Variants in ATXN1 observed in about 807,000 individuals in gnomAD.
ATXN1 encodes the protein ataxin 1.
In ATXN1, 8 loss-of-function variants were observed where a neutral mutation model predicts 56.4. That is an observed-to-expected ratio of 0.14 (90% CI 0.08 to 0.26). The LOEUF is 0.26. Among genes scored for constraint, ATXN1 ranks in the 10% least tolerant of loss-of-function variants. The probability of loss-of-function intolerance (pLI) is 1.00; values close to 1 mark genes in which losing one functional copy is unlikely to be tolerated. For synonymous variants in ATXN1, 514 were observed against 494.6 expected (o/e 1.04, Z -0.52); for missense variants, 987 against 1,106.5 (o/e 0.89, Z 1.53).
chr6:16,516,325 G>A (rs1374510399), intron 5 of ATXN1, among the ~76,000 whole-genome samples: 4 of 152,114 alleles, frequency 2.6e-5, no homozygotes, highest in Non-Finnish European at 5.9e-5. Context: ...ACACGTTATC[G>A]AGCACCTACT....
At chr6:16,545,507 C>G (rs1316204469) in intron 4 of ATXN1, among the ~76,000 whole-genome samples, 2 of 152,074 alleles carry the variant, frequency 1.3e-5, no homozygotes, top group African/African-American at 4.8e-5. Flanking sequence ...CAAATGCCAT[C>G]TAGACCATAA....
chr6:16,659,934 T>C (rs1388771594), intron 2 of ATXN1, among the ~76,000 whole-genome samples: 1 of 152,036 alleles, frequency 6.6e-6, no homozygotes, highest in Non-Finnish European at 1.5e-5. Flanking sequence ...TTTATACTAT[T>C]CATACAGAAA....
chr6:16,513,333 G>A (rs1368757961), intron 5 of ATXN1, among the ~76,000 whole-genome samples: 1 of 152,158 alleles, frequency 6.6e-6, no homozygotes, highest in Non-Finnish European at 1.5e-5. Flanking sequence ...TCTACACAAA[G>A]TACATCAAAA....
At chr6:16,653,911 A>G (rs183077315) in intron 3 of ATXN1, among the ~76,000 whole-genome samples, 1 of 152,292 alleles carries the variant, frequency 6.6e-6, no homozygotes, top group East Asian at 1.9e-4. Context: ...GAGAGGAGGC[A>G]AAGAGGAGGA....
At chr6:16,319,220 A>G (rs949247955) in intron 7 of ATXN1, among the ~76,000 whole-genome samples, 1 of 152,000 alleles carries the variant, frequency 6.6e-6, no homozygotes, top group Admixed American at 6.6e-5. Context: ...CCTATCTCAA[A>G]AAAAAAAAAT....
At chr6:16,729,782 T>C (rs1478794658) in intron 2 of ATXN1, among the ~76,000 whole-genome samples, 1 of 152,218 alleles carries the variant, frequency 6.6e-6, no homozygotes, top group Non-Finnish European at 1.5e-5. Context: ...ATTTTTGTTC[T>C]ATGGATTCTG....
At chr6:16,456,144 G>A (rs1759866814) in intron 6 of ATXN1, among the ~76,000 whole-genome samples, 1 of 152,092 alleles carries the variant, frequency 6.6e-6, no homozygotes, top group South Asian at 2.1e-4. Flanking sequence ...CACTCTTTGG[G>A]TCTGTGCCAT....
At chr6:16,480,154 C>CAAA (rs60209783) in intron 6 of ATXN1, among the ~76,000 whole-genome samples, 856 of 77,366 alleles carry the variant, frequency 0.011, 36 homozygotes, top group African/African-American at 0.026. Context: ...ACTTCATCTG[C>CAAA]AAAAAAAAAA....
chr6:16,370,942 T>C (rs1194681981), intron 6 of ATXN1, among the ~76,000 whole-genome samples: 3 of 152,190 alleles, frequency 2.0e-5, no homozygotes, highest in Non-Finnish European at 4.4e-5. Flanking sequence ...CAAATATTAA[T>C]TGAGTCTTAA....
At chr6:16,591,918 G>T (rs1762729990) in intron 3 of ATXN1, among the ~76,000 whole-genome samples, 1 of 152,144 alleles carries the variant, frequency 6.6e-6, no homozygotes, top group African/African-American at 2.4e-5. Flanking sequence ...AGATGCATCA[G>T]CATTACATAA....
intron 6 of ATXN1, among the ~76,000 whole-genome samples, chr6:16,453,386 G>A (rs1241857311): frequency 2.0e-5 from 3 of 152,020 alleles, no homozygotes; most frequent in South Asian, 2.1e-4. Context: ...GCTTGAACCC[G>A]GGAGGCAGAG....
intron 3 of ATXN1, among the ~76,000 whole-genome samples, chr6:16,586,494 G>A (rs1470580532): frequency 6.6e-6 from 1 of 152,132 alleles, no homozygotes; most frequent in African/African-American, 2.4e-5. Flanking sequence ...CTATGTTCTG[G>A]GCCATGTGCT....
At chr6:16,715,569 G>T (rs1384326672) in intron 2 of ATXN1, among the ~76,000 whole-genome samples, 1 of 152,152 alleles carries the variant, frequency 6.6e-6, no homozygotes, top group African/African-American at 2.4e-5. Context: ...ACTTAGTAAC[G>T]CTGTGAATGA....
rs117314725 is a variant in ATXN1, at chr6:16,382,367, G to C, written c.-160-53897C>G. Among the ~76,000 whole-genome samples, 79 of 152,150 alleles carry C rather than the reference G, an allele frequency of 5.2e-4. 1 individual carries two copies. In the East Asian group the frequency reaches 0.015, roughly 28 times the overall value. ...AGTCCCAGCAACTTGGGAGGCTGAGGTGGAAGCATCACTTGGGCCCAGAAG... is the reference window on the plus strand; with the variant it reads ...AGTCCCAGCAACTTGGGAGGCTGAGCTGGAAGCATCACTTGGGCCCAGAAG... On this transcript the variant is annotated intron_variant, in intron 6 of 7. Transcript: ENST00000436367.
In ATXN1 at chr6:16,479,812, T is replaced by A. The variant is rs78385232; in HGVS notation, c.-161+6160A>T. Among the ~76,000 whole-genome samples, 51 of 152,256 alleles carry A rather than the reference T, an allele frequency of 3.3e-4. 1 individual carries two copies. In the East Asian group the frequency reaches 9.6e-3, roughly 29 times the overall value. The stretch of plus-strand genomic sequence containing the variant: ...CTGCCCTTACTAATGCTGGGAGGCA[T>A]CATTCTTTAGGCATCCCAAGTTCTT... On this transcript the variant is annotated intron_variant, in intron 6 of 7. Transcript: ENST00000436367.
At position 16,452,995 on chromosome 6, in the gene ATXN1, T is replaced by C. The variant is rs140892011; in HGVS notation, c.-161+32977A>G. Among the ~76,000 whole-genome samples the C allele has an allele frequency of 2.4e-4, 37 of 152,312 alleles. No individual in the cohort carries two copies. The East Asian group carries it at 5.6e-3, about 23-fold the overall frequency. On this transcript the variant is annotated intron_variant, in intron 6 of 7. Coordinates refer to ENST00000436367, the MANE Select transcript of ATXN1 (RefSeq NM_001128164.2). The stretch of plus-strand genomic sequence containing the variant: ...ATTAAACTTACTTTATCACCATCAT[T>C]TGCATCCAGACAACATGCTAGTCGA...
At chr6:16,551,484 G>A (rs920523118) in intron 4 of ATXN1, among the ~76,000 whole-genome samples, 34 of 152,166 alleles carry the variant, frequency 2.2e-4, no homozygotes, top group African/African-American at 8.2e-4. Context: ...AGACCATTGC[G>A]GTTGGAGGTG....
At chr6:16,487,046 T>C (rs1474459878) in intron 5 of ATXN1, among the ~76,000 whole-genome samples, 2 of 152,202 alleles carry the variant, frequency 1.3e-5, no homozygotes, top group Non-Finnish European at 2.9e-5. Context: ...TCTTGATTTT[T>C]TTCCCCCTTT....
At chr6:16,606,522 GTT>G (rs77088625) in intron 3 of ATXN1, among the ~76,000 whole-genome samples, 444 of 147,866 alleles carry the variant, frequency 3.0e-3, no homozygotes, top group African/African-American at 0.01. Context: ...TTGTTTGTGG[GTT>G]TTTTTTTTTA....
Sources: gnomAD v4.1 joint callset for allele counts (sites outside exome capture counted in the v4.1 genomes callset) on GRCh38, gnomAD v4.1.1 for gene constraint, MANE v1.5 for transcripts, NCBI Gene and HGNC (gene_info 2026-07-23, HGNC 2026-07-21) for gene names.